The following ADIPOR1 variants were observed in gnomAD, a reference collection of about 807,000 sequenced individuals.
The protein encoded by ADIPOR1 is adiponectin receptor 1.
In ADIPOR1, 15 loss-of-function variants were observed where a neutral mutation model predicts 37.5. The ratio of observed to expected loss-of-function variants is 0.40; its 90% CI spans 0.27 to 0.62. ADIPOR1 has a LOEUF of 0.62. ADIPOR1 is among the 20% of genes least tolerant of loss of function. ADIPOR1 has a pLI of 0.42. For synonymous variants in ADIPOR1, 173 were observed against 173.2 expected (o/e 1.00, Z 0.01); for missense variants, 286 against 478.0 (o/e 0.60, Z 3.75).
At chr1:202,946,711 T>C (rs970838772) in intron 3 of ADIPOR1, 101 bp from the exon 4 acceptor site, 13 of 1,246,762 alleles carry the variant, frequency 1.0e-5, no homozygotes, top group Non-Finnish European at 1.4e-5. Context: ...AGTCAGGCTC[T>C]GAATGGTCCT....
chr1:202,946,289 G>T, intron 4 of ADIPOR1, 150 bp downstream of exon 4: 1 of 900,516 alleles, frequency 1.1e-6, no homozygotes, highest in Non-Finnish European at 1.7e-6. Context: ...CAGTGATCAA[G>T]GGTCAACCAA....
intron 6 of ADIPOR1, among the ~76,000 whole-genome samples, chr1:202,943,170 T>C (rs538934147): frequency 2.0e-5 from 3 of 152,170 alleles, no homozygotes; most frequent in Non-Finnish European, 4.4e-5. Flanking sequence ...TCCCGGACAA[T>C]ATTTAATTAT....
intron 6 of ADIPOR1, among the ~76,000 whole-genome samples, chr1:202,943,073 G>A (rs1409617576): frequency 6.6e-6 from 1 of 152,010 alleles, no homozygotes; most frequent in Non-Finnish European, 1.5e-5. Context: ...TTACCATGTC[G>A]GCCAGGCTGG....
chr1:202,946,654 C>G, intron 3 of ADIPOR1, 44 bp from the exon 4 acceptor site: 3 of 1,600,616 alleles, frequency 1.9e-6, no homozygotes, highest in Non-Finnish European at 2.6e-6. Flanking sequence ...TAGATAGTAC[C>G]TTCCCCAAGG....
intron 2 of ADIPOR1, among the ~76,000 whole-genome samples, 153 bp from the exon 3 acceptor site, chr1:202,948,573 C>T (rs1358564042): frequency 1.3e-5 from 2 of 152,218 alleles, no homozygotes; most frequent in South Asian, 2.1e-4. Flanking sequence ...AAAGCATACA[C>T]ACTGAGTTTA....
intron 2 of ADIPOR1, among the ~76,000 whole-genome samples, chr1:202,950,395 G>A (rs187079526): frequency 2.8e-3 from 428 of 152,154 alleles, no homozygotes; most frequent in Admixed American, 4.4e-3. Flanking sequence ...GCAACATGGC[G>A]AGATCTTATC....
At chr1:202,953,056 T>C (rs1654640425) in intron 1 of ADIPOR1, among the ~76,000 whole-genome samples, 2 of 152,178 alleles carry the variant, frequency 1.3e-5, no homozygotes, top group East Asian at 1.9e-4. Context: ...CACACAGTCA[T>C]AGTGAACAAT....
chr1:202,946,739 C>T, intron 3 of ADIPOR1, 129 bp from the exon 4 acceptor site: 1 of 853,580 alleles, frequency 1.2e-6, no homozygotes, highest in East Asian at 2.7e-5. Flanking sequence ...AGTGGAGAAC[C>T]AGCCTGGACT....
intron 1 of ADIPOR1, among the ~76,000 whole-genome samples, chr1:202,957,857 T>C (rs1571573241): frequency 6.6e-6 from 1 of 152,254 alleles, no homozygotes; most frequent in East Asian, 1.9e-4. Flanking sequence ...CTGGTCCCGA[T>C]CTGGGGAACC....
chr1:202,949,681 G>T (rs550420286), intron 2 of ADIPOR1, among the ~76,000 whole-genome samples: 1 of 151,406 alleles, frequency 6.6e-6, no homozygotes, highest in African/African-American at 2.4e-5. Context: ...GCTATAGAAA[G>T]CCTGGCAGTT....
At position 202,946,414 on chromosome 1, in the gene ADIPOR1, A is replaced by T. The variant is rs1310815506; in HGVS notation, c.430+25T>A. ...CGCAGTTAGGGAGACAACAAATTCC[A>T]CCTTTCCCCATCCAAATCACTCACC... On this transcript the variant is annotated intron_variant, in intron 4 of 7. Coordinates refer to ENST00000340990, the MANE Select transcript of ADIPOR1 (RefSeq NM_015999.6). 2.5e-6 allele frequency: 4 copies of T among 1,613,248 alleles called. No individual in the cohort carries two copies. The East Asian group carries it at 8.9e-5, about 36-fold the overall frequency.
chr1:202,942,186 C>G lies in ADIPOR1; in HGVS notation c.838G>C (p.Val280Leu). ...GCGATAGTAAAGTGCATGGTGGGCA[C>G]GACGCCACTCAAGCCAAGTCCCAGG... ...VFLGLGLSGV[V>L]PTMHFTIAEG... The change falls in exon 7 of 8, where the codon GTG becomes CTG. Residue 280 changes from valine (V) to leucine (L), a missense_variant. By Grantham distance (32) the Val-to-Leu change is conservative (BLOSUM62 1). Coordinates refer to ENST00000340990, the MANE Select transcript of ADIPOR1 (RefSeq NM_015999.6). 6.2e-7 allele frequency: 1 copy of G among 1,614,010 alleles called. No individual in the cohort carries two copies. The highest frequency in any genetic ancestry group is 8.5e-7 in the Non-Finnish European group (1 of 1,179,986).
intron 3 of ADIPOR1, among the ~76,000 whole-genome samples, chr1:202,946,950 A>T (rs1654353572): frequency 6.6e-6 from 1 of 151,706 alleles, no homozygotes; most frequent in Non-Finnish European, 1.5e-5. Context: ...CCCTGTCTCT[A>T]CTAAAAACAC....
At chr1:202,956,452 T>C (rs1654787647) in intron 1 of ADIPOR1, among the ~76,000 whole-genome samples, 1 of 152,218 alleles carries the variant, frequency 6.6e-6, no homozygotes. Flanking sequence ...ACGCATGGTG[T>C]TGTGGCCACA....
At position 202,943,943 on chromosome 1, in the gene ADIPOR1, A is replaced by G; in HGVS notation, c.620T>C (p.Leu207Pro). The change falls in exon 6 of 8, where the codon CTG (leucine) becomes CCG (proline). Residue 207 changes from leucine to proline, a missense_variant and splice_region_variant. By Grantham distance (98) the Leu-to-Pro change is moderately conservative. Transcript: ENST00000340990. ...TAGAAGAGCAATCCCTGAATAGTCCAGTCTAAAAAGAACCACAAAAATGAA... is the reference window on the plus strand; with the variant it reads ...TAGAAGAGCAATCCCTGAATAGTCCGGTCTAAAAAGAACCACAAAAATGAA... The part of the protein sequence containing the change: ...SEKVSRTFSK[L>P]DYSGIALLIM... The G allele has an allele frequency of 6.2e-7, 1 of 1,608,800 alleles. No homozygotes were observed. Among genetic ancestry groups the G allele is most frequent in the Non-Finnish European group, 8.5e-7 (1 of 1,176,876 alleles).
At chr1:202,951,475 TATG>T (rs1654579505) in intron 1 of ADIPOR1, among the ~76,000 whole-genome samples, 1 of 152,108 alleles carries the variant, frequency 6.6e-6, no homozygotes, top group South Asian at 2.1e-4. Context: ...CTCCCACAGG[TATG>T]GAACCATTTA....
At position 202,951,134 on chromosome 1, in the gene ADIPOR1, G is replaced by A. The variant is rs1054367538; in HGVS notation, c.-64C>T. 5.7e-6 allele frequency: 9 copies of A among 1,591,030 alleles called. No homozygotes were observed. The highest frequency in any genetic ancestry group is 1.7e-4 in the Middle Eastern group (1 of 5,850). On this transcript the variant is annotated 5_prime_UTR_variant, in exon 2 of 8. Coordinates refer to ENST00000340990, the MANE Select transcript of ADIPOR1 (RefSeq NM_015999.6). ...GAAAGGTTGGGGTCTCTCAGCCCCA[G>A]GGGGCAGAGATCTCCCTCTGATGGT...
chr1:202,941,212 C>A lies in ADIPOR1; in HGVS notation c.*361G>T, dbSNP rs1402116605. The A allele has an allele frequency of 6.1e-6, 1 of 163,168 alleles. No homozygotes were observed. The highest frequency in any genetic ancestry group is 6.3e-5 in the Admixed American group (1 of 15,806). The allele number at this position is 163,168 out of a possible 1,614,324, so 10.1% of individuals were successfully genotyped here. A position where few individuals can be genotyped will look rare whatever the true frequency, so the allele number is the denominator to read the frequency against. On this transcript the variant is annotated 3_prime_UTR_variant, in exon 8 of 8. Transcript: ENST00000340990. ...GATGGGGGTAAGGGAGGGACATTTT[C>A]TTCCAGAAGAAAAGACAGAATTTCT...
intron 7 of ADIPOR1, 51 bp from the exon 8 acceptor site, chr1:202,941,752 GA>G: frequency 1.3e-6 from 2 of 1,569,480 alleles, no homozygotes; most frequent in South Asian, 2.4e-5. Flanking sequence ...GGAGGAATAA[GA>G]AACAAGTAGG....
Sources: gnomAD v4.1 joint callset for allele counts (sites outside exome capture counted in the v4.1 genomes callset) on GRCh38, gnomAD v4.1.1 for gene constraint, MANE v1.5 for transcripts, NCBI Gene and HGNC (gene_info 2026-07-23, HGNC 2026-07-21) for gene names.